The following SPTY2D1 variants were observed in gnomAD, a reference collection of about 807,000 sequenced individuals.
SPTY2D1 encodes SPT2 chromatin protein domain containing 1, also known as protein SPT2 homolog.
SPTY2D1 carries 21 observed loss-of-function variants against 64.0 expected under a neutral mutation model. The ratio of observed to expected loss-of-function variants is 0.33; its 90% CI spans 0.23 to 0.47. The LOEUF (loss-of-function observed/expected upper bound fraction) is 0.47, where lower values mean the gene tolerates loss of function less well. Ranked by LOEUF, SPTY2D1 falls within the 20% of genes least tolerant of loss-of-function variation. The pLI is 1.00. For synonymous variants in SPTY2D1, 287 were observed against 286.8 expected, an observed-to-expected ratio of 1.00 and a Z score of -0.01; for missense variants, 724 against 837.2, an observed-to-expected ratio of 0.86 and a Z score of 1.67.
chr11:18,624,277 G>A (rs1006528339), intron 1 of SPTY2D1, among the ~76,000 whole-genome samples: 2 of 151,244 alleles, frequency 1.3e-5, no homozygotes, highest in Admixed American at 6.6e-5. Flanking sequence ...AGAACTATTT[G>A]GCACTTCCCC....
At chr11:18,629,328 C>A (rs1432978718) in intron 1 of SPTY2D1, among the ~76,000 whole-genome samples, 2 of 152,010 alleles carry the variant, frequency 1.3e-5, no homozygotes, top group Non-Finnish European at 2.9e-5. Context: ...TGGTGAAACC[C>A]CCATCTCTTA....
At chr11:18,623,175 TA>T (rs1166556858) in intron 1 of SPTY2D1, among the ~76,000 whole-genome samples, 12 of 151,690 alleles carry the variant, frequency 7.9e-5, no homozygotes, top group Admixed American at 6.6e-5. Flanking sequence ...ATCACAAATT[TA>T]AAAAAAAACT....
chr11:18,610,243 G>T, intron 5 of SPTY2D1: 1 of 290,304 alleles, frequency 3.4e-6, no homozygotes, highest in Non-Finnish European at 6.4e-6. Context: ...ACAGCAAGAA[G>T]CATTTATTCA....
intron 1 of SPTY2D1, among the ~76,000 whole-genome samples, chr11:18,630,037 TGG>T (rs1854561583): frequency 6.9e-6 from 1 of 144,896 alleles, no homozygotes; most frequent in Non-Finnish European, 1.5e-5. Flanking sequence ...GGCGTGGTGG[TGG>T]GTGCCTGTAA....
rs1854129308 is a variant in SPTY2D1 at position 18,607,548 on chromosome 11, A to T, written c.*2313T>A. The T allele has an allele frequency of 6.5e-6, 1 of 152,674 alleles. No homozygotes were observed. The highest frequency in any genetic ancestry group is 2.4e-5 in the African/African-American group (1 of 41,468). The allele number at this position is 152,674 out of a possible 1,614,324, so 9.5% of individuals were successfully genotyped here. A position where few individuals can be genotyped will look rare whatever the true frequency, so the allele number is the denominator to read the frequency against. On this transcript the variant is annotated 3_prime_UTR_variant, in exon 6 of 6. Coordinates refer to ENST00000336349, the MANE Select transcript of SPTY2D1 (RefSeq NM_194285.3). ...CAAAAATCAAAACAGTAGAGAATACATTAAAAATCAAGCATTTAATTTGTA... is the reference window on the plus strand; with the variant it reads ...CAAAAATCAAAACAGTAGAGAATACTTTAAAAATCAAGCATTTAATTTGTA...
chr11:18,617,625 CAAAAAAAA>C (rs71050616), intron 1 of SPTY2D1, among the ~76,000 whole-genome samples: 1 of 66,376 alleles, frequency 1.5e-5, no homozygotes, highest in Non-Finnish European at 2.8e-5. Context: ...GACTCCGTCT[CAAAAAAAA>C]AAAAAAAAAA....
At chr11:18,613,825 TACTA>T (rs1396073100) in intron 3 of SPTY2D1, among the ~76,000 whole-genome samples, 5 of 152,082 alleles carry the variant, frequency 3.3e-5, no homozygotes, top group Admixed American at 2.0e-4. Context: ...AGGATCTTGA[TACTA>T]ACCATTATAA....
At chr11:18,620,569 A>G (rs762646834) in intron 1 of SPTY2D1, among the ~76,000 whole-genome samples, 18 of 152,034 alleles carry the variant, frequency 1.2e-4, no homozygotes, top group African/African-American at 4.3e-4. Flanking sequence ...ACAACTAGTT[A>G]TATTTTTCCA....
At chr11:18,617,161 A>G (rs1337967730) in intron 1 of SPTY2D1, among the ~76,000 whole-genome samples, 172 bp from the exon 2 acceptor site, 4 of 152,204 alleles carry the variant, frequency 2.6e-5, no homozygotes, top group African/African-American at 9.7e-5. Flanking sequence ...ATTTCAGACT[A>G]TTTATTACGT....
chr11:18,608,006 A>G lies in SPTY2D1; in HGVS notation c.*1855T>C, dbSNP rs1854136741. ...GAATACTGAAAAATATATATATCCA[A>G]TAAAAAATTTTTGAAGGGGGAATAA... is the stretch of plus-strand genomic sequence containing the variant. On this transcript the variant is annotated 3_prime_UTR_variant, in exon 6 of 6. Coordinates refer to ENST00000336349, the MANE Select transcript of SPTY2D1 (RefSeq NM_194285.3). 2 of 152,660 alleles carry G rather than the reference A, an allele frequency of 1.3e-5. No homozygotes were observed. Among genetic ancestry groups the G allele is most frequent in the Non-Finnish European group, 2.9e-5 (2 of 68,022 alleles). 9.5% of individuals were successfully genotyped at this position (152,660 alleles called of 1,614,324 possible).
intron 1 of SPTY2D1, among the ~76,000 whole-genome samples, chr11:18,625,002 A>G (rs1271080061): frequency 2.0e-5 from 3 of 150,746 alleles, no homozygotes; most frequent in Non-Finnish European, 3.0e-5. Context: ...CCGTCTCAAG[A>G]AAAAAAAAAG....
In SPTY2D1 at chr11:18,615,624, A is replaced by G. The variant is rs1383523849; in HGVS notation, c.650T>C (p.Leu217Pro). Residue 217 changes from leucine (L) to proline (P), a missense_variant, in exon 3 of 6, where the codon CTT becomes CCT. Leu to Pro is a moderately conservative substitution (Grantham distance 98, BLOSUM62 -3). Around this residue, in one of 3 missense-constraint regions of SPTY2D1, gnomAD observed 426 missense variants for 431.8 expected, o/e 0.99. Transcript: ENST00000336349. ...TGGAGGTAGTTTTCCATCTGTCTCA[A>G]GTTTTTTTCTCCTATGCTTTCGTTC... is the stretch of plus-strand genomic sequence containing the variant. ...FLERKHRRKK[L>P]ETDGKLPPTV... The G allele has an allele frequency of 1.9e-6, 3 of 1,614,170 alleles. No individual in the cohort carries two copies. In the South Asian group the frequency reaches 3.3e-5, roughly 18 times the overall value.
chr11:18,614,311 AC>A (rs750340810), intron 3 of SPTY2D1, among the ~76,000 whole-genome samples: 40 of 152,220 alleles, frequency 2.6e-4, no homozygotes, highest in Non-Finnish European at 4.7e-4. Flanking sequence ...AGTCCCAGCT[AC>A]CTGGGAAGCT....
intron 1 of SPTY2D1, among the ~76,000 whole-genome samples, chr11:18,631,488 C>T (rs973886922): frequency 2.6e-5 from 4 of 151,332 alleles, no homozygotes; most frequent in African/African-American, 7.3e-5. Flanking sequence ...ACCTGCGAGG[C>T]GGAGCTTGCA....
intron 1 of SPTY2D1, among the ~76,000 whole-genome samples, chr11:18,626,721 T>C (rs1371922271): frequency 5.9e-5 from 9 of 152,230 alleles, no homozygotes; most frequent in Non-Finnish European, 4.4e-5. Flanking sequence ...TAAATTAATA[T>C]ATAAAGTGCT....
At chr11:18,621,323 C>CAGAAAAGAAAAGAAA (rs55880127) in intron 1 of SPTY2D1, among the ~76,000 whole-genome samples, 4,296 of 137,562 alleles carry the variant, frequency 0.031, 97 homozygotes, top group South Asian at 0.053. Context: ...TCTCAAAAAA[C>CAGAAAAGAAAAGAAA]AGAAAAGAAA....
At chr11:18,624,735 A>G (rs1232308950) in intron 1 of SPTY2D1, among the ~76,000 whole-genome samples, 1 of 152,248 alleles carries the variant, frequency 6.6e-6, no homozygotes, top group Admixed American at 6.5e-5. Flanking sequence ...GTGATGGCTC[A>G]CGTCTGTAAT....
At chr11:18,629,092 G>A (rs1021872032) in intron 1 of SPTY2D1, among the ~76,000 whole-genome samples, 8 of 152,088 alleles carry the variant, frequency 5.3e-5, no homozygotes, top group South Asian at 4.1e-4. Context: ...TTTACCTTTC[G>A]GTTTGTGGCA....
chr11:18,617,401 C>T (rs932648323), intron 1 of SPTY2D1, among the ~76,000 whole-genome samples: 4 of 150,774 alleles, frequency 2.7e-5, no homozygotes, highest in African/African-American at 7.4e-5. Context: ...CGGAGGCGGG[C>T]GAATCATGAG....
Sources: gnomAD v4.1 joint callset for allele counts (sites outside exome capture counted in the v4.1 genomes callset) on GRCh38, gnomAD v4.1.1 for gene constraint, gnomAD v4.1.1 regional missense constraint, MANE v1.5 for transcripts, NCBI Gene and HGNC (gene_info 2026-07-23, HGNC 2026-07-21) for gene names.